Variants in CPED1 observed in about 807,000 individuals in gnomAD.
CPED1 encodes the protein cadherin-like and PC-esterase domain-containing protein 1.
Under a neutral mutation model 128.2 loss-of-function variants are expected in CPED1, and 114 were observed. The ratio of observed to expected loss-of-function variants is 0.89; its 90% CI spans 0.76 to 1.04. CPED1 has a LOEUF of 1.04. Ranked by LOEUF, CPED1 falls within the 50% of genes least tolerant of loss-of-function variation. CPED1 has a pLI of 0.00. For synonymous variants in CPED1, 462 were observed against 426.7 expected, an observed-to-expected ratio of 1.08 and a Z score of -1.02; for missense variants, 1,211 against 1,207.1, an observed-to-expected ratio of 1.00 and a Z score of -0.05.
chr7:121,110,510 G>C (rs1795084129), intron 7 of CPED1, among the ~76,000 whole-genome samples: 2 of 152,176 alleles, frequency 1.3e-5, no homozygotes, highest in Non-Finnish European at 2.9e-5. Context: ...ATGAGACTAA[G>C]TGCCATTTCA....
chr7:121,266,113 G>A (rs547615638), intron 18 of CPED1, 114 bp from the exon 19 acceptor site: 3 of 741,524 alleles, frequency 4.0e-6, no homozygotes, highest in Admixed American at 2.3e-5. Context: ...TTGAAGGGCT[G>A]TCCTTCAAAC....
chr7:121,005,020 T>C (rs1791970964), intron 2 of CPED1, among the ~76,000 whole-genome samples: 1 of 152,168 alleles, frequency 6.6e-6, no homozygotes, highest in Admixed American at 6.5e-5. Flanking sequence ...AGATAATGGC[T>C]TATTTAGTAT....
In CPED1 at chr7:121,297,193, A is replaced by G. The variant is rs1483636842; in HGVS notation, c.*1541A>G. ...TTCTAATATACACTTAAATGCAAACATCATTTTTAAATTTTCAGTGATTTT... is the reference window on the plus strand; with the variant it reads ...TTCTAATATACACTTAAATGCAAACGTCATTTTTAAATTTTCAGTGATTTT... On this transcript the variant is annotated 3_prime_UTR_variant, in exon 23 of 23. Coordinates refer to ENST00000310396, the MANE Select transcript of CPED1 (RefSeq NM_024913.5). 6.6e-6 allele frequency: 1 copy of G among 152,074 alleles called. No individual in the cohort carries two copies. The highest frequency in any genetic ancestry group is 6.6e-5 in the Admixed American group (1 of 15,262). The allele number at this position is 152,074 out of a possible 1,614,324, so 9.4% of individuals were successfully genotyped here. A position where few individuals can be genotyped will look rare whatever the true frequency, so the allele number is the denominator to read the frequency against.
intron 18 of CPED1, among the ~76,000 whole-genome samples, chr7:121,249,867 T>C (rs1798628061): frequency 1.3e-5 from 2 of 152,070 alleles, no homozygotes; most frequent in Admixed American, 6.6e-5. Flanking sequence ...CACACAATAA[T>C]AATGGGAGAA....
At chr7:121,056,745 T>G (rs529306226) in intron 4 of CPED1, among the ~76,000 whole-genome samples, 1 of 152,348 alleles carries the variant, frequency 6.6e-6, no homozygotes, top group South Asian at 2.1e-4. Context: ...ACCTCTTGGT[T>G]TGCTCTCTAA....
intron 7 of CPED1, among the ~76,000 whole-genome samples, chr7:121,114,777 T>A (rs941373462): frequency 3.1e-4 from 47 of 152,248 alleles, no homozygotes; most frequent in African/African-American, 1.1e-3. Flanking sequence ...TTAATTCTTT[T>A]TTATTTTTTA....
intron 3 of CPED1, among the ~76,000 whole-genome samples, chr7:121,034,247 CTTTTT>C (rs3067998): frequency 8.8e-6 from 1 of 113,954 alleles, no homozygotes; most frequent in African/African-American, 3.4e-5. Context: ...GTTTTTTTTT[CTTTTT>C]TTTTTTTTTT....
At chr7:121,072,540 G>A (rs1005917115) in intron 5 of CPED1, among the ~76,000 whole-genome samples, 4 of 152,068 alleles carry the variant, frequency 2.6e-5, no homozygotes, top group East Asian at 1.9e-4. Context: ...GTACCTCCAT[G>A]ATCAGGATGT....
intron 7 of CPED1, among the ~76,000 whole-genome samples, chr7:121,113,524 C>T (rs1455185693): frequency 6.6e-6 from 1 of 152,098 alleles, no homozygotes; most frequent in African/African-American, 2.4e-5. Flanking sequence ...TTTGCTTTGC[C>T]AAGACAGCAT....
At position 121,260,382 on chromosome 7, in the gene CPED1, C is replaced by T. The variant is rs577847754; in HGVS notation, c.2311-5845C>T. On this transcript the variant is annotated intron_variant, in intron 18 of 22. Coordinates refer to ENST00000310396, the MANE Select transcript of CPED1 (RefSeq NM_024913.5). ...ACAATTGGAAAACATTTATTGTAAC[C>T]GCATCACATTTCACAGAGGGATGCT... is the stretch of plus-strand genomic sequence containing the variant. Among the ~76,000 whole-genome samples, 24 of 151,840 alleles carry T rather than the reference C, an allele frequency of 1.6e-4. No homozygotes were observed. The South Asian group carries it at 1.9e-3, about 12-fold the overall frequency.
At chr7:121,247,187 A>G (rs1432497810) in intron 18 of CPED1, among the ~76,000 whole-genome samples, 2 of 152,252 alleles carry the variant, frequency 1.3e-5, no homozygotes, top group African/African-American at 4.8e-5. Context: ...AAGCAATTAT[A>G]GACTATATCC....
chr7:121,213,831 A>C (rs1251926955), intron 16 of CPED1, among the ~76,000 whole-genome samples: 1 of 152,094 alleles, frequency 6.6e-6, no homozygotes, highest in East Asian at 1.9e-4. Context: ...TTGCATGACC[A>C]TGGTACATTT....
At chr7:121,135,186 T>C (rs1042269011) in intron 13 of CPED1, among the ~76,000 whole-genome samples, 3 of 152,066 alleles carry the variant, frequency 2.0e-5, no homozygotes, top group African/African-American at 7.2e-5. Flanking sequence ...TTTCCCATTT[T>C]TTCATTCCAA....
In CPED1 at chr7:121,057,854, G is replaced by A. The variant is rs146917050; in HGVS notation, c.541-6384G>A. Among the ~76,000 whole-genome samples, 52 of 152,230 alleles carry A rather than the reference G, an allele frequency of 3.4e-4. 1 individual carries two copies. The South Asian group carries it at 5.2e-3, about 15-fold the overall frequency. ...TATGGGTAGACGGGGGAAAATAGTC[G>A]CTAAGTAATAATATGATAGATGGTA... On this transcript the variant is annotated intron_variant, in intron 4 of 22. Coordinates refer to ENST00000310396, the MANE Select transcript of CPED1 (RefSeq NM_024913.5).
chr7:121,008,738 G>T (rs1230271468), intron 2 of CPED1, among the ~76,000 whole-genome samples: 1 of 151,932 alleles, frequency 6.6e-6, no homozygotes, highest in Non-Finnish European at 1.5e-5. Flanking sequence ...TTCATTAATG[G>T]TTTATTGCTC....
rs72607707 is a variant in CPED1 at position 121,016,158 on chromosome 7, C to T, written c.433+310C>T. 7.0e-3 allele frequency among the ~76,000 whole-genome samples: 1,059 copies of T among 152,210 alleles called. 63 individuals are homozygous for T. In the East Asian group the frequency reaches 0.14, roughly 20 times the overall value. Reference sequence around the variant, plus strand: ...GACTGAATACATGTTCTGCCCCGCACCCAAACTGCTTCATATTTTAAGAAA... The same window carrying T: ...GACTGAATACATGTTCTGCCCCGCATCCAAACTGCTTCATATTTTAAGAAA... On this transcript the variant is annotated intron_variant, in intron 3 of 22. Coordinates refer to ENST00000310396, the MANE Select transcript of CPED1 (RefSeq NM_024913.5).
At chr7:120,993,269 C>CA (rs1173725278) in intron 2 of CPED1, among the ~76,000 whole-genome samples, 1 of 152,106 alleles carries the variant, frequency 6.6e-6, no homozygotes, top group Non-Finnish European at 1.5e-5. Flanking sequence ...TAAACAGAAG[C>CA]AATGAAAGAA....
chr7:121,129,098 T>A (rs1795582229), intron 11 of CPED1, among the ~76,000 whole-genome samples: 1 of 151,552 alleles, frequency 6.6e-6, no homozygotes, highest in Admixed American at 6.6e-5. Context: ...GCATGTTTAA[T>A]ACTTGTTTTC....
At chr7:121,080,794 G>A (rs1794273202) in intron 5 of CPED1, among the ~76,000 whole-genome samples, 1 of 152,044 alleles carries the variant, frequency 6.6e-6, no homozygotes, top group Admixed American at 6.6e-5. Flanking sequence ...GGGATATACT[G>A]TTTTGAACTT....
Sources: allele counts gnomAD v4.1 joint callset (sites outside exome capture counted in the v4.1 genomes callset), GRCh38; gene constraint gnomAD v4.1.1; transcripts MANE v1.5; gene names NCBI Gene and HGNC (gene_info 2026-07-23, HGNC 2026-07-21).